The following CRISP1 variants were observed in gnomAD, a reference collection of about 807,000 sequenced individuals.
CRISP1 encodes cysteine-rich secretory protein 1.
In CRISP1, 44 loss-of-function variants were observed where a neutral mutation model predicts 33.1. The observed-to-expected ratio is 1.33, with a 90% CI of 1.05 to 1.71. CRISP1 has a LOEUF of 1.71. Among genes scored for constraint, CRISP1 ranks in the 40% most tolerant of loss-of-function variants. CRISP1 has a pLI of 0.00. For synonymous variants in CRISP1, 103 were observed against 98.7 expected, an observed-to-expected ratio of 1.04 and a Z score of -0.26; for missense variants, 390 against 301.2, an observed-to-expected ratio of 1.29 and a Z score of -2.18.
intron 1 of CRISP1, among the ~76,000 whole-genome samples, chr6:49,872,875 G>A (rs942050099): frequency 3.3e-5 from 5 of 152,084 alleles, no homozygotes; most frequent in Non-Finnish European, 7.4e-5. Context: ...GATTGGCTTG[G>A]CAATGCAGGC....
intron 1 of CRISP1, among the ~76,000 whole-genome samples, chr6:49,857,658 C>G (rs1328828799): frequency 6.6e-6 from 1 of 152,000 alleles, no homozygotes; most frequent in Admixed American, 6.6e-5. Flanking sequence ...TTGTATGACA[C>G]AAGGGAATTA....
In CRISP1 at chr6:49,838,612, AC is replaced by A. The variant is rs1770882632; in HGVS notation, c.534-88del. Reference sequence around the variant, plus strand: ...TCACAGTGTACAACCAATTTTAAAAACAAATTGTGTAAACATTCTTGTAAAG... The same window carrying A: ...TCACAGTGTACAACCAATTTTAAAAAAAATTGTGTAAACATTCTTGTAAAG... On this transcript the variant is annotated intron_variant, in intron 6 of 7. Transcript: ENST00000335847. 57 of 907,662 alleles carry A rather than the reference AC, an allele frequency of 6.3e-5. 1 individual carries two copies. The Middle Eastern group carries it at 2.3e-3, about 37-fold the overall frequency. The allele number at this position is 907,662 out of a possible 1,614,324, so 56.2% of individuals were successfully genotyped here.
chr6:49,857,850 G>A (rs1237114701), intron 1 of CRISP1, among the ~76,000 whole-genome samples: 1 of 152,166 alleles, frequency 6.6e-6, no homozygotes, highest in African/African-American at 2.4e-5. Context: ...TTTGAAAACA[G>A]AGGAAGATAC....
At chr6:49,863,920 C>T (rs1372678452) in intron 1 of CRISP1, among the ~76,000 whole-genome samples, 1 of 152,206 alleles carries the variant, frequency 6.6e-6, no homozygotes, top group African/African-American at 2.4e-5. Flanking sequence ...TGAGGTATAA[C>T]TTACATATAA....
chr6:49,858,180 TC>T (rs1475712249), intron 1 of CRISP1, among the ~76,000 whole-genome samples: 1 of 152,184 alleles, frequency 6.6e-6, no homozygotes, highest in East Asian at 1.9e-4. Context: ...TAATATCTGA[TC>T]ACTTTGCTAA....
chr6:49,862,366 T>C (rs778220766), intron 1 of CRISP1, among the ~76,000 whole-genome samples: 4 of 150,506 alleles, frequency 2.7e-5, no homozygotes, highest in African/African-American at 9.8e-5. Flanking sequence ...TTAATTCTAA[T>C]AGAAGACTTC....
At chr6:49,835,501 G>A (rs963500999) in intron 7 of CRISP1, 58 bp from the exon 8 acceptor site, 5 of 1,543,296 alleles carry the variant, frequency 3.2e-6, no homozygotes, top group South Asian at 1.2e-5. Context: ...ATTTGCTGAG[G>A]AAAGAGACCA....
At chr6:49,851,977 G>A (rs756792397) in intron 3 of CRISP1, 24 bp downstream of exon 3, 5 of 1,597,814 alleles carry the variant, frequency 3.1e-6, no homozygotes, top group Non-Finnish European at 3.4e-6. Flanking sequence ...TGCAATCATG[G>A]TTGTTGCTAT....
chr6:49,869,074 C>G (rs971424150), upstream of CRISP1, among the ~76,000 whole-genome samples: 2 of 152,080 alleles, frequency 1.3e-5, no homozygotes, highest in Non-Finnish European at 2.9e-5. Context: ...TCCCAAGGCT[C>G]AATGATTTAA....
intron 3 of CRISP1, among the ~76,000 whole-genome samples, chr6:49,851,268 C>T (rs1000961667): frequency 6.6e-6 from 1 of 152,118 alleles, no homozygotes; most frequent in African/African-American, 2.4e-5. Flanking sequence ...ATTTCTAACC[C>T]TTGTTGCTAC....
chr6:49,846,724 A>C, intron 4 of CRISP1, 56 bp from the exon 5 acceptor site: 1 of 1,529,266 alleles, frequency 6.5e-7, no homozygotes, highest in African/African-American at 1.4e-5. Flanking sequence ...ATAGTATACA[A>C]GGAGACTTTC....
intron 7 of CRISP1, among the ~76,000 whole-genome samples, chr6:49,838,149 C>A (rs1373418825): frequency 6.6e-6 from 1 of 152,096 alleles, no homozygotes; most frequent in African/African-American, 2.4e-5. Flanking sequence ...AGAGAAAAAT[C>A]TACACTTACC....
At chr6:49,870,046 GAGA>G (rs1771886698), upstream of CRISP1, among the ~76,000 whole-genome samples, 1 of 152,138 alleles carries the variant, frequency 6.6e-6, no homozygotes, top group African/African-American at 2.4e-5. Flanking sequence ...ACAGAACTGT[GAGA>G]AATAAATTTT....
chr6:49,837,534 A>G (rs1770840334), intron 7 of CRISP1, among the ~76,000 whole-genome samples: 1 of 152,064 alleles, frequency 6.6e-6, no homozygotes, highest in Non-Finnish European at 1.5e-5. Flanking sequence ...ATACAGAGAA[A>G]GAGAGAGGGA....
chr6:49,843,221 A>G (rs186962935), intron 5 of CRISP1, among the ~76,000 whole-genome samples: 232 of 152,326 alleles, frequency 1.5e-3, no homozygotes, highest in Middle Eastern at 6.8e-3. Context: ...TTGATAAGGT[A>G]AATTATATGA....
Position 49,852,088 on chromosome 6 carries a change from G to A in CRISP1, c.108C>T (p.Asp36=). 1.9e-6 allele frequency: 3 copies of A among 1,613,274 alleles called. No homozygotes were observed. Among genetic ancestry groups the A allele is most frequent in the Non-Finnish European group, 2.5e-6 (3 of 1,179,520 alleles). Residue 36 remains aspartate, a synonymous_variant, in exon 3 of 8, where the codon GAC becomes GAT. Coordinates refer to ENST00000335847, the MANE Select transcript of CRISP1 (RefSeq NM_001131.3). ...ARDQFNKLVT[D]LPNVQEEIVN... Reference sequence around the variant, plus strand: ...CGATCTCTTCTTGTACATTTGGCAAGTCGGTGACGAGCTTATTAAATTGGT... The same window carrying A: ...CGATCTCTTCTTGTACATTTGGCAAATCGGTGACGAGCTTATTAAATTGGT...
intron 1 of CRISP1, among the ~76,000 whole-genome samples, chr6:49,863,069 G>A (rs1451900818): frequency 6.6e-6 from 1 of 152,134 alleles, no homozygotes; most frequent in Non-Finnish European, 1.5e-5. Flanking sequence ...AGGTAAAGCC[G>A]AAGGGATGGA....
chr6:49,863,105 CAA>C (rs1771699248), intron 1 of CRISP1, among the ~76,000 whole-genome samples: 1 of 152,050 alleles, frequency 6.6e-6, no homozygotes, highest in Non-Finnish European at 1.5e-5. Flanking sequence ...GAGCATTTGG[CAA>C]ATAGCAAATC....
At chr6:49,858,138 C>T (rs1245923419) in intron 1 of CRISP1, among the ~76,000 whole-genome samples, 1 of 152,126 alleles carries the variant, frequency 6.6e-6, no homozygotes, top group African/African-American at 2.4e-5. Flanking sequence ...CTTGCTACTA[C>T]TAATTTATGT....
Sources: gnomAD v4.1 joint callset for allele counts (sites outside exome capture counted in the v4.1 genomes callset) on GRCh38, gnomAD v4.1.1 for gene constraint, MANE v1.5 for transcripts, NCBI Gene and HGNC (gene_info 2026-07-23, HGNC 2026-07-21) for gene names.